The following APPL2 variants were observed in gnomAD, a reference collection of about 807,000 sequenced individuals.
APPL2 encodes DCC-interacting protein 13-beta.
A neutral mutation model predicts 92.7 loss-of-function variants in APPL2; 84 were observed. The ratio of observed to expected loss-of-function variants is 0.91; its 90% confidence interval spans 0.76 to 1.09. The LOEUF (loss-of-function observed/expected upper bound fraction) is 1.09. Among genes scored for constraint, APPL2 ranks in the 50% least tolerant of loss-of-function variants. APPL2 has a pLI of 0.00. For synonymous variants in APPL2, 291 were observed against 291.0 expected, an observed-to-expected ratio of 1.00 and a Z score of 0.00; for missense variants, 736 against 824.5, an observed-to-expected ratio of 0.89 and a Z score of 1.31.
chr12:105,231,516 A>C (rs1032193104), intron 1 of APPL2, among the ~76,000 whole-genome samples: 11 of 152,188 alleles, frequency 7.2e-5, no homozygotes, highest in Admixed American at 5.9e-4. Flanking sequence ...AAGGTTAAGA[A>C]ATGTGTTCAA....
At chr12:105,226,531 G>A (rs758796503) in intron 2 of APPL2, among the ~76,000 whole-genome samples, 2 of 152,210 alleles carry the variant, frequency 1.3e-5, no homozygotes, top group Non-Finnish European at 2.9e-5. Flanking sequence ...ATGAGACAGC[G>A]TTTGGATAAC....
chr12:105,176,061 C>A lies in APPL2; in HGVS notation c.1834G>T (p.Gly612Ter). ...GEKICYAINL[G>*]KEIIEVQKDP... ...TTCTGAACCTCAATAATTTCTTTTC[C>A]CAAATTAATAGCATAACATATCTGC... Residue 612 changes from glycine (G) to a stop codon, truncating the protein, a stop_gained, in exon 20 of 21, where the codon GGA (glycine) becomes TGA (stop). Coordinates refer to ENST00000258530, the MANE Select transcript of APPL2 (RefSeq NM_018171.5). LOFTEE classifies it high-confidence loss of function. 6.3e-7 allele frequency: 1 copy of A among 1,589,648 alleles called. No homozygotes were observed. The highest frequency in any genetic ancestry group is 8.5e-7 in the Non-Finnish European group (1 of 1,171,782).
chr12:105,233,448 A>G, intron 1 of APPL2: 2 of 973,498 alleles, frequency 2.1e-6, no homozygotes, highest in Non-Finnish European at 2.4e-6. Flanking sequence ...GTCCATGAAT[A>G]GATGTGTCTA....
chr12:105,231,414 T>C (rs544512961), intron 1 of APPL2, among the ~76,000 whole-genome samples: 2 of 152,346 alleles, frequency 1.3e-5, no homozygotes, highest in East Asian at 1.9e-4. Flanking sequence ...ACTAAACATA[T>C]GTGACTTCAT....
At chr12:105,209,896 T>C (rs1889066834) in intron 5 of APPL2, among the ~76,000 whole-genome samples, 1 of 152,218 alleles carries the variant, frequency 6.6e-6, no homozygotes, top group Admixed American at 6.5e-5. Flanking sequence ...ATGCCAGTTC[T>C]ATCCTTGTTC....
intron 9 of APPL2, among the ~76,000 whole-genome samples, chr12:105,199,961 G>C (rs1231419692): frequency 6.6e-6 from 1 of 151,720 alleles, no homozygotes; most frequent in Non-Finnish European, 1.5e-5. Context: ...TGGGACTACC[G>C]GCGCTCGCCA....
At chr12:105,192,870 T>C (rs1887334530) in intron 14 of APPL2, among the ~76,000 whole-genome samples, 1 of 152,206 alleles carries the variant, frequency 6.6e-6, no homozygotes, top group Non-Finnish European at 1.5e-5. Context: ...ACAGCAGATA[T>C]ATAGTAACTG....
intron 1 of APPL2, among the ~76,000 whole-genome samples, chr12:105,232,073 T>C (rs1890963771): frequency 6.6e-6 from 1 of 152,256 alleles, no homozygotes; most frequent in Admixed American, 6.5e-5. Context: ...GGGGTTACTA[T>C]GGCATGCCAG....
chr12:105,176,062 C>T lies in APPL2; in HGVS notation c.1833G>A (p.Leu611=). ...TCTGAACCTCAATAATTTCTTTTCCCAAATTAATAGCATAACATATCTGCA... is the reference window on the plus strand; with the variant it reads ...TCTGAACCTCAATAATTTCTTTTCCTAAATTAATAGCATAACATATCTGCA... ...EGEKICYAIN[L]GKEIIEVQKD... The change falls in exon 20 of 21, where the codon TTG becomes TTA. Residue 611 remains leucine (L), a synonymous_variant. Transcript: ENST00000258530. 1 of 1,589,998 alleles carries T rather than the reference C, an allele frequency of 6.3e-7. No homozygotes were observed. The highest frequency in any genetic ancestry group is 1.2e-5 in the South Asian group (1 of 85,524).
chr12:105,206,151 T>C (rs1460017196), intron 8 of APPL2, among the ~76,000 whole-genome samples: 7 of 152,246 alleles, frequency 4.6e-5, no homozygotes, highest in Admixed American at 2.0e-4. Flanking sequence ...AAAGCTCCTC[T>C]CTCATTCCCC....
At chr12:105,234,834 CA>C (rs1181822491) in intron 1 of APPL2, among the ~76,000 whole-genome samples, 3 of 151,988 alleles carry the variant, frequency 2.0e-5, no homozygotes, top group East Asian at 3.9e-4. Context: ...GCAAACTTAC[CA>C]AAAAACAAAA....
chr12:105,186,718 T>TC (rs1566056852), intron 17 of APPL2, among the ~76,000 whole-genome samples: 8 of 131,616 alleles, frequency 6.1e-5, no homozygotes, highest in African/African-American at 2.4e-4. Flanking sequence ...TATCATATCA[T>TC]ATATATATCA....
At chr12:105,219,657 A>C (rs1001975238) in intron 2 of APPL2, among the ~76,000 whole-genome samples, 1 of 152,264 alleles carries the variant, frequency 6.6e-6, no homozygotes, top group African/African-American at 2.4e-5. Context: ...TCCTAACTGT[A>C]CAAGGAAACA....
rs752568328 is a variant in APPL2 at position 105,236,044 on chromosome 12, G to C, written c.-32C>G. 1.7e-5 allele frequency: 21 copies of C among 1,235,126 alleles called. No individual in the cohort carries two copies. The highest frequency in any genetic ancestry group is 8.5e-5 in the Admixed American group (2 of 23,450). 76.5% of individuals were successfully genotyped at this position (1,235,126 alleles called of 1,614,324 possible). On this transcript the variant is annotated 5_prime_UTR_variant, in exon 1 of 21. Transcript: ENST00000258530. ...GCGCGGCTCAGCCGAGGGCTGGGTT[G>C]GAAGGACAGAGGGCAGGAGACGCGG...
At chr12:105,186,507 G>A (rs779423865) in intron 17 of APPL2, among the ~76,000 whole-genome samples, 27 of 150,916 alleles carry the variant, frequency 1.8e-4, no homozygotes, top group Non-Finnish European at 3.7e-4. Flanking sequence ...CCAGGAGCCC[G>A]CCAAACTATT....
intron 11 of APPL2, among the ~76,000 whole-genome samples, chr12:105,197,546 C>G (rs1049983561): frequency 6.6e-6 from 1 of 152,202 alleles, no homozygotes; most frequent in Non-Finnish European, 1.5e-5. Flanking sequence ...ACAGACAAAC[C>G]CTCACTTATC....
intron 17 of APPL2, among the ~76,000 whole-genome samples, chr12:105,182,867 A>G (rs1051212498): frequency 2.0e-5 from 3 of 152,076 alleles, no homozygotes; most frequent in African/African-American, 7.2e-5. Context: ...AAGTCTCCCA[A>G]TATTATTGTG....
At chr12:105,234,986 T>C (rs541444007) in intron 1 of APPL2, among the ~76,000 whole-genome samples, 3 of 152,216 alleles carry the variant, frequency 2.0e-5, no homozygotes, top group South Asian at 4.1e-4. Flanking sequence ...GGTAAATCCA[T>C]ACAAGGATCA....
intron 15 of APPL2, 58 bp from the exon 16 acceptor site, chr12:105,189,882 C>T (rs1257396626): frequency 6.2e-7 from 1 of 1,611,752 alleles, no homozygotes; most frequent in African/African-American, 1.3e-5. Flanking sequence ...GGGCACTTAA[C>T]ACTTGAACTG....
Sources: gnomAD v4.1 joint callset for allele counts (sites outside exome capture counted in the v4.1 genomes callset) on GRCh38, gnomAD v4.1.1 for gene constraint, MANE v1.5 for transcripts, NCBI Gene and HGNC (gene_info 2026-07-23, HGNC 2026-07-21) for gene names.